CFAP299: variants seen among roughly 807,000 people sequenced by gnomAD.
CFAP299 encodes the protein cilia- and flagella-associated protein 299.
CFAP299 carries 21 observed loss-of-function variants against 27.0 expected under a neutral mutation model. The observed-to-expected ratio is 0.78, with a 90% confidence interval of 0.55 to 1.12. The LOEUF (loss-of-function observed/expected upper bound fraction) is 1.12. Among genes scored for constraint, CFAP299 ranks in the 50% most tolerant of loss-of-function variants. CFAP299 has a pLI of 0.00. For synonymous variants in CFAP299, 104 were observed against 98.1 expected (o/e 1.06, Z -0.36); for missense variants, 310 against 276.6 (o/e 1.12, Z -0.86).
chr4:80,435,588 G>C (rs952204255), intron 2 of CFAP299, among the ~76,000 whole-genome samples: 2 of 152,184 alleles, frequency 1.3e-5, no homozygotes, highest in Non-Finnish European at 2.9e-5. Flanking sequence ...AATCTCCCAA[G>C]AAGAATGATT....
chr4:80,823,736 T>C (rs1011274350), intron 3 of CFAP299, among the ~76,000 whole-genome samples: 4 of 152,126 alleles, frequency 2.6e-5, no homozygotes, highest in Admixed American at 2.6e-4. Context: ...CATGTAACTG[T>C]TATAGCAATG....
At chr4:80,724,416 A>T (rs1723025156) in intron 3 of CFAP299, among the ~76,000 whole-genome samples, 1 of 151,626 alleles carries the variant, frequency 6.6e-6, no homozygotes, top group South Asian at 2.1e-4. Context: ...TTTTTTAATT[A>T]CTCATTTAAA....
At chr4:80,651,238 TCTTCCTTC>T (rs536144120) in intron 3 of CFAP299, among the ~76,000 whole-genome samples, 1 of 151,222 alleles carries the variant, frequency 6.6e-6, no homozygotes, top group Non-Finnish European at 1.5e-5. Context: ...AATCTAAGAA[TCTTCCTTC>T]CTTCCTTCCT....
chr4:80,752,339 C>T (rs1724980437), intron 3 of CFAP299, among the ~76,000 whole-genome samples: 1 of 150,936 alleles, frequency 6.6e-6, no homozygotes, highest in Admixed American at 6.6e-5. Context: ...TGCTTCTAAT[C>T]AGCCATGGTG....
chr4:80,554,568 G>C (rs2087020), intron 2 of CFAP299, among the ~76,000 whole-genome samples: 10,412 of 126,292 alleles, frequency 0.082, 441 homozygotes, highest in Non-Finnish European at 0.091. Flanking sequence ...AAATAGCATT[G>C]AATCTATGAA....
intron 2 of CFAP299, among the ~76,000 whole-genome samples, chr4:80,467,555 G>T (rs1729766734): frequency 6.6e-6 from 1 of 152,130 alleles, no homozygotes; most frequent in African/African-American, 2.4e-5. Flanking sequence ...CAACCTGGCA[G>T]GCTTCTAAGG....
At chr4:80,559,656 T>G (rs1318339491) in intron 2 of CFAP299, among the ~76,000 whole-genome samples, 1 of 152,178 alleles carries the variant, frequency 6.6e-6, no homozygotes, top group Non-Finnish European at 1.5e-5. Flanking sequence ...GGAGATCATC[T>G]CTGGGCAGTG....
At chr4:80,866,241 A>T (rs1205365187) in intron 3 of CFAP299, among the ~76,000 whole-genome samples, 4 of 151,482 alleles carry the variant, frequency 2.6e-5, no homozygotes, top group Non-Finnish European at 5.9e-5. Context: ...TAGGTTTAAA[A>T]AATTTAATTG....
Position 80,843,594 on chromosome 4 carries a change from C to T in CFAP299, c.334-26399C>T, listed in dbSNP as rs574537916. On this transcript the variant is annotated intron_variant, in intron 3 of 5. Transcript: ENST00000358105. Reference sequence around the variant, plus strand: ...ATTTATAATCCTTTGGGTATATACCCAGTAACGGGGTGGCTGGGTCAAATA... The same window carrying T: ...ATTTATAATCCTTTGGGTATATACCTAGTAACGGGGTGGCTGGGTCAAATA... Among the ~76,000 whole-genome samples, 138 of 152,042 alleles carry T rather than the reference C, an allele frequency of 9.1e-4. 1 individual carries two copies. Among genetic ancestry groups the T allele is most frequent in the African/African-American group, 3.0e-3 (125 of 41,444 alleles).
chr4:80,871,154 G>T, intron 4 of CFAP299: 1 of 912,668 alleles, frequency 1.1e-6, no homozygotes, highest in Non-Finnish European at 1.3e-6. Flanking sequence ...TGATCCACCG[G>T]CCTCAGCCTC....
At chr4:80,862,341 GTCTGGGCAGCAGAGCCAGACTCCA>G (rs1732431891) in intron 3 of CFAP299, among the ~76,000 whole-genome samples, 4 of 152,232 alleles carry the variant, frequency 2.6e-5, no homozygotes, top group Admixed American at 2.6e-4. Flanking sequence ...CTGCACTCCA[GTCTGGGCAGCAGAGCCAGACTCCA>G]TCTCGAAAAA....
chr4:80,595,673 T>C (rs1231074517), intron 3 of CFAP299, among the ~76,000 whole-genome samples: 1 of 152,206 alleles, frequency 6.6e-6, no homozygotes, highest in East Asian at 1.9e-4. Flanking sequence ...GTTTAACAAG[T>C]TGCTGTTGTT....
chr4:80,488,521 TG>T (rs1195978870), intron 2 of CFAP299, among the ~76,000 whole-genome samples: 1 of 150,350 alleles, frequency 6.7e-6, no homozygotes, highest in Non-Finnish European at 1.5e-5. Flanking sequence ...TTGCCCAGGC[TG>T]GAGTGCAGTG....
intron 3 of CFAP299, among the ~76,000 whole-genome samples, chr4:80,586,845 T>C (rs924008094): frequency 6.6e-6 from 1 of 152,204 alleles, no homozygotes; most frequent in Non-Finnish European, 1.5e-5. Context: ...ATTTTCCCAC[T>C]GAATGTTGAC....
At chr4:80,559,625 C>A (rs1400594103) in intron 2 of CFAP299, among the ~76,000 whole-genome samples, 1 of 152,144 alleles carries the variant, frequency 6.6e-6, no homozygotes, top group Non-Finnish European at 1.5e-5. Context: ...TCCCTCACCC[C>A]TGGCAGAAGC....
At chr4:80,957,005 A>G (rs1738104743) in intron 5 of CFAP299, among the ~76,000 whole-genome samples, 1 of 152,160 alleles carries the variant, frequency 6.6e-6, no homozygotes, top group Non-Finnish European at 1.5e-5. Context: ...ATTTAAAAAG[A>G]TTCCTATACT....
At chr4:80,575,580 T>G (rs997542800) in intron 2 of CFAP299, among the ~76,000 whole-genome samples, 2 of 151,956 alleles carry the variant, frequency 1.3e-5, no homozygotes, top group African/African-American at 4.8e-5. Flanking sequence ...TTGTATCTTT[T>G]CAAAAAAACC....
chr4:80,891,311 ATAGGGAATCCTTTCCCCATTGCTTGT>A (rs1734261252), intron 4 of CFAP299, among the ~76,000 whole-genome samples: 1 of 151,514 alleles, frequency 6.6e-6, no homozygotes, highest in Non-Finnish European at 1.5e-5. Context: ...CATTTATTAA[ATAGGGAATCCTTTCCCCATTGCTTGT>A]TTTTCTCAGG....
At chr4:80,414,086 T>C (rs1324484116) in intron 2 of CFAP299, among the ~76,000 whole-genome samples, 1 of 149,180 alleles carries the variant, frequency 6.7e-6, no homozygotes, top group African/African-American at 2.5e-5. Flanking sequence ...TTTTTTTTTT[T>C]TTGAGACGGA....
Sources: gnomAD v4.1 joint callset for allele counts (sites outside exome capture counted in the v4.1 genomes callset) on GRCh38, gnomAD v4.1.1 for gene constraint, MANE v1.5 for transcripts, NCBI Gene and HGNC (gene_info 2026-07-23, HGNC 2026-07-21) for gene names.